Variants in ZC3H18 observed in about 807,000 individuals in gnomAD.
ZC3H18 encodes zinc finger CCCH-type containing 18.
ZC3H18 carries 8 observed loss-of-function variants against 106.1 expected under a neutral mutation model. That is an observed-to-expected ratio of 0.08 (90% CI 0.04 to 0.14). ZC3H18 has a LOEUF of 0.14. Ranked by LOEUF, ZC3H18 falls within the 10% of genes least tolerant of loss-of-function variation. The probability of loss-of-function intolerance (pLI) is 1.00; values close to 1 mark genes in which losing one functional copy is unlikely to be tolerated. For missense variants in ZC3H18, 1,318 were observed against 1,278.4 expected (o/e 1.03, Z -0.47); for synonymous variants, 635 against 522.1 (o/e 1.22, Z -2.95).
intron 7 of ZC3H18, among the ~76,000 whole-genome samples, chr16:88,609,549 G>A (rs1905175640): frequency 6.6e-6 from 1 of 151,962 alleles, no homozygotes; most frequent in Non-Finnish European, 1.5e-5. Context: ...CAATCCGCCT[G>A]CTTTAGCCTC....
intron 3 of ZC3H18, among the ~76,000 whole-genome samples, chr16:88,592,062 G>A (rs1567583305): frequency 6.6e-6 from 1 of 152,242 alleles, no homozygotes; most frequent in Non-Finnish European, 1.5e-5. Flanking sequence ...CTGATGACCT[G>A]GTGGTTGTAT....
intron 1 of ZC3H18, 23 bp from the exon 2 acceptor site, chr16:88,577,087 A>T: frequency 1.3e-6 from 2 of 1,501,588 alleles, no homozygotes; most frequent in South Asian, 1.4e-5. Context: ...AAAGGCTGTC[A>T]ATCTGTATTC....
At chr16:88,574,083 C>T (rs914872957) in intron 1 of ZC3H18, among the ~76,000 whole-genome samples, 1 of 152,028 alleles carries the variant, frequency 6.6e-6, no homozygotes, top group Admixed American at 6.6e-5. Context: ...CCATTTTGAC[C>T]GGGCTTGTCC....
chr16:88,576,866 C>G (rs1017703437), intron 1 of ZC3H18, among the ~76,000 whole-genome samples: 1 of 152,222 alleles, frequency 6.6e-6, no homozygotes, highest in Non-Finnish European at 1.5e-5. Context: ...CTCCTTCTGC[C>G]ACATCTCATT....
intron 2 of ZC3H18, 26 bp from the exon 3 acceptor site, chr16:88,586,574 C>G (rs116147102): frequency 1.2e-6 from 2 of 1,604,276 alleles, no homozygotes; most frequent in Non-Finnish European, 1.7e-6. Context: ...GCCTCCCCCA[C>G]GCTAAGACGG....
In ZC3H18 at chr16:88,573,181, T is replaced by A. The variant is rs1317846004; in HGVS notation, c.-15+2615T>A. The stretch of plus-strand genomic sequence containing the variant: ...TATAAAACATGAGAATCAGAATTTG[T>A]CATATTTCAGGTCTGGGTTCAGCTT... On this transcript the variant is annotated intron_variant, in intron 1 of 17. Transcript: ENST00000301011. Among the ~76,000 whole-genome samples, 3 of 152,120 alleles carry A rather than the reference T, an allele frequency of 2.0e-5. No individual in the cohort carries two copies. The East Asian group carries it at 5.8e-4, about 29-fold the overall frequency.
chr16:88,628,608 C>A, intron 15 of ZC3H18, 150 bp from the exon 16 acceptor site: 1 of 773,780 alleles, frequency 1.3e-6, no homozygotes, highest in Non-Finnish European at 2.1e-6. Context: ...GTCCTGGAGG[C>A]CTCACTCAGG....
intron 13 of ZC3H18, chr16:88,625,756 G>C (rs553250852): frequency 6.2e-6 from 1 of 161,052 alleles, no homozygotes; most frequent in South Asian, 1.6e-4. Context: ...TCCCAGCACC[G>C]TGGGAGGCCA....
intron 6 of ZC3H18, among the ~76,000 whole-genome samples, chr16:88,604,051 T>C (rs117463496): frequency 0.013 from 1,954 of 152,286 alleles, 16 homozygotes; most frequent in Non-Finnish European, 0.02. Flanking sequence ...ATCTGACTTA[T>C]AAAACCTCAC....
intron 9 of ZC3H18, 66 bp from the exon 10 acceptor site, chr16:88,623,153 G>C: frequency 1.9e-6 from 3 of 1,572,880 alleles, no homozygotes; most frequent in Non-Finnish European, 2.6e-6. Context: ...GCATGTGTGC[G>C]TCAGGGCGTG....
In ZC3H18 at chr16:88,631,578, G is replaced by A. The variant is rs554186241; in HGVS notation, c.*279G>A. On this transcript the variant is annotated 3_prime_UTR_variant, in exon 18 of 18. Coordinates refer to ENST00000301011, the MANE Select transcript of ZC3H18 (RefSeq NM_144604.4). ...ATTACAAGCCCCAGCCGCCAGCCCCGCCTTCTCTTCCTCCTCCTCCGTCTT... is the reference window on the plus strand; with the variant it reads ...ATTACAAGCCCCAGCCGCCAGCCCCACCTTCTCTTCCTCCTCCTCCGTCTT... 1.2e-4 allele frequency: 64 copies of A among 532,644 alleles called. 1 individual carries two copies. Among genetic ancestry groups the A allele is most frequent in the South Asian group, 7.8e-4 (51 of 65,178 alleles). The allele number at this position is 532,644 out of a possible 1,614,324, so 33.0% of individuals were successfully genotyped here. A position where few individuals can be genotyped will look rare whatever the true frequency, so the allele number is the denominator to read the frequency against.
chr16:88,580,408 C>T (rs1426661776), intron 2 of ZC3H18, among the ~76,000 whole-genome samples: 1 of 152,094 alleles, frequency 6.6e-6, no homozygotes, highest in African/African-American at 2.4e-5. Flanking sequence ...GTGGAAGGTC[C>T]ACGCTCAAGA....
chr16:88,612,200 G>A (rs1028847884), intron 8 of ZC3H18, among the ~76,000 whole-genome samples: 3 of 152,174 alleles, frequency 2.0e-5, no homozygotes, highest in Non-Finnish European at 2.9e-5. Context: ...ATGGATGGGC[G>A]TCAGTGGACA....
rs1367543477 is a variant in ZC3H18, at chr16:88,598,380, T to G, written c.837+54T>G. On this transcript the variant is annotated intron_variant, in intron 4 of 17. Coordinates refer to ENST00000301011, the MANE Select transcript of ZC3H18 (RefSeq NM_144604.4). ...GCACATCAGCCAACTGAGCTGTGTC[T>G]GAATCTCAAGCTTAAGACAAGTCAC... The G allele has an allele frequency of 8.3e-6, 13 of 1,557,054 alleles. No individual in the cohort carries two copies. In the African/African-American group the frequency reaches 1.1e-4, roughly 13 times the overall value.
chr16:88,599,801 A>G lies in ZC3H18; in HGVS notation c.941A>G (p.Lys314Arg). The G allele has an allele frequency of 6.2e-7, 1 of 1,607,910 alleles. No individual in the cohort carries two copies. The highest frequency in any genetic ancestry group is 8.5e-7 in the Non-Finnish European group (1 of 1,178,258). ...TTCTTACAATGGTAGGTTTTAAAAA[A>G]AGCAACTATTCGAAAAGAACAGGAG... ...GLRHAKEVLKKATIRKEQEPD... is the reference protein window; with the variant it reads ...GLRHAKEVLKRATIRKEQEPD... The change falls in exon 6 of 18, where the codon AAA becomes AGA. Residue 314 changes from lysine to arginine, a missense_variant. Lys to Arg is a conservative substitution (Grantham distance 26). This residue lies in a region of ZC3H18 where 848 missense variants were observed against 821.7 expected (regional missense o/e 1.03). Coordinates refer to ENST00000301011, the MANE Select transcript of ZC3H18 (RefSeq NM_144604.4).
At chr16:88,594,273 A>G (rs1904323820) in intron 3 of ZC3H18, among the ~76,000 whole-genome samples, 2 of 152,138 alleles carry the variant, frequency 1.3e-5, no homozygotes, top group South Asian at 4.1e-4. Flanking sequence ...GTTACTATAT[A>G]TTGGATATCT....
At chr16:88,578,984 G>A (rs1449421208) in intron 2 of ZC3H18, among the ~76,000 whole-genome samples, 2 of 152,200 alleles carry the variant, frequency 1.3e-5, no homozygotes, top group Non-Finnish European at 2.9e-5. Flanking sequence ...CACCACGCCC[G>A]GCGGGTGCCA....
At chr16:88,610,081 C>T (rs1217351252) in intron 7 of ZC3H18, among the ~76,000 whole-genome samples, 1 of 152,088 alleles carries the variant, frequency 6.6e-6, no homozygotes, top group Non-Finnish European at 1.5e-5. Context: ...GCCTGCTGCA[C>T]CTCACTGCTC....
chr16:88,629,078 C>T (rs144104046), intron 16 of ZC3H18, among the ~76,000 whole-genome samples: 1,807 of 152,340 alleles, frequency 0.012, 37 homozygotes, highest in African/African-American at 0.042. Context: ...GTGGCTCACG[C>T]CTATAATCCC....
Sources: allele counts gnomAD v4.1 joint callset (sites outside exome capture counted in the v4.1 genomes callset), GRCh38; gene constraint gnomAD v4.1.1; regional missense constraint gnomAD v4.1.1; transcripts MANE v1.5; gene names NCBI Gene and HGNC (gene_info 2026-07-23, HGNC 2026-07-21).